Variants in VAPA observed in about 807,000 individuals in gnomAD.
VAPA encodes VAMP associated protein A.
VAPA carries 6 observed loss-of-function variants against 25.6 expected under a neutral mutation model. The observed-to-expected ratio is 0.23, with a 90% confidence interval of 0.13 to 0.46. The LOEUF is 0.46. VAPA is among the 20% of genes least tolerant of loss of function. VAPA has a pLI of 0.99. For synonymous variants in VAPA, 112 were observed against 106.2 expected, an observed-to-expected ratio of 1.05 and a Z score of -0.34; for missense variants, 244 against 302.1, an observed-to-expected ratio of 0.81 and a Z score of 1.43.
intron 4 of VAPA, among the ~76,000 whole-genome samples, chr18:9,940,657 G>T (rs1489960709): frequency 6.6e-6 from 1 of 152,182 alleles, no homozygotes; most frequent in East Asian, 1.9e-4. Context: ...ATCCTGAGAA[G>T]AATGGGCGGG....
At chr18:9,943,775 A>G (rs971240156) in intron 4 of VAPA, among the ~76,000 whole-genome samples, 1 of 149,504 alleles carries the variant, frequency 6.7e-6, no homozygotes, top group Non-Finnish European at 1.5e-5. Context: ...GACATTTTCT[A>G]AATTTCTTAA....
chr18:9,916,191 A>C (rs1199456061), intron 1 of VAPA, among the ~76,000 whole-genome samples: 1 of 152,230 alleles, frequency 6.6e-6, no homozygotes, highest in Non-Finnish European at 1.5e-5. Context: ...ATAGTGGAGA[A>C]GCAAGTTTAA....
At chr18:9,928,585 A>G (rs1567894152) in intron 1 of VAPA, among the ~76,000 whole-genome samples, 1 of 152,166 alleles carries the variant, frequency 6.6e-6, no homozygotes, top group Non-Finnish European at 1.5e-5. Context: ...TCTTAACTCT[A>G]ACTTCATAAC....
intron 1 of VAPA, among the ~76,000 whole-genome samples, chr18:9,918,688 A>G (rs1387255755): frequency 6.6e-6 from 1 of 151,992 alleles, no homozygotes; most frequent in Non-Finnish European, 1.5e-5. Flanking sequence ...TGTTCATTTC[A>G]TTGTTTTGAG....
Position 9,954,090 on chromosome 18 carries a change from A to G in VAPA, c.629A>G (p.Asp210Gly). ...AGGCTCAGAAAGGTAGCACATTCGG[A>G]TAAACCTGGATCAACCTCAACTGCA... is the stretch of plus-strand genomic sequence containing the variant. ...GLRLRKVAHS[D>G]KPGSTSTASF... Residue 210 changes from aspartate (D) to glycine (G), a missense_variant, in exon 6 of 6, where the codon GAT (aspartate) becomes GGT (glycine). By Grantham distance (94) the Asp-to-Gly change is moderately conservative (BLOSUM62 -1). Around this residue, in one of 2 missense-constraint regions of VAPA, gnomAD observed 145 missense variants for 140.6 expected, o/e 1.03. Transcript: ENST00000400000. The G allele has an allele frequency of 6.2e-7, 1 of 1,614,082 alleles. No individual in the cohort carries two copies. The highest frequency in any genetic ancestry group is 8.5e-7 in the Non-Finnish European group (1 of 1,179,996).
intron 1 of VAPA, among the ~76,000 whole-genome samples, chr18:9,927,996 T>C (rs2069216345): frequency 6.6e-6 from 1 of 152,122 alleles, no homozygotes; most frequent in Non-Finnish European, 1.5e-5. Context: ...ATGTAACGTA[T>C]GCAGTTTTCT....
At position 9,931,922 on chromosome 18, in the gene VAPA, C is replaced by T. The variant is rs985541536; in HGVS notation, c.192C>T (p.Asn64=). ...CTCGCCGGTACTGTGTGAGGCCCAA[C>T]AGTGGAATTATTGACCCAGGGTCAA... ...TAPRRYCVRP[N]SGIIDPGSTV... Residue 64 remains asparagine, a synonymous_variant, in exon 2 of 6, where the codon AAC becomes AAT. Coordinates refer to ENST00000400000, the MANE Select transcript of VAPA (RefSeq NM_194434.3). The T allele has an allele frequency of 6.2e-6, 10 of 1,610,292 alleles. No homozygotes were observed. The highest frequency in any genetic ancestry group is 2.2e-5 in the East Asian group (1 of 44,822).
In VAPA at chr18:9,959,743, AAAAAT is replaced by A. The variant is rs1253675214; in HGVS notation, c.*5533_*5537del. On this transcript the variant is annotated 3_prime_UTR_variant, in exon 6 of 6. Transcript: ENST00000400000. ...TTCCAAAAAAAAAAAAAAAAAAAAA[AAAAAT>A]GTGGAGGGTTGAAATGGTAAGGAAT... 6 of 150,502 alleles carry A rather than the reference AAAAAT, an allele frequency of 4.0e-5. No homozygotes were observed. Among genetic ancestry groups the A allele is most frequent in the African/African-American group, 7.3e-5 (3 of 41,152 alleles). 9.3% of individuals were successfully genotyped at this position (150,502 alleles called of 1,614,324 possible).
chr18:9,947,084 C>G (rs1187622597), intron 4 of VAPA, among the ~76,000 whole-genome samples: 1 of 152,202 alleles, frequency 6.6e-6, no homozygotes. Flanking sequence ...GACAGTAACA[C>G]TCATGGAGCT....
In VAPA at chr18:9,956,327, A is replaced by G. The variant is rs532836074; in HGVS notation, c.*2116A>G. 1.3e-5 allele frequency: 2 copies of G among 152,354 alleles called. No homozygotes were observed. Among genetic ancestry groups the G allele is most frequent in the African/African-American group, 4.8e-5 (2 of 41,586 alleles). 9.4% of individuals were successfully genotyped at this position (152,354 alleles called of 1,614,324 possible). On this transcript the variant is annotated 3_prime_UTR_variant, in exon 6 of 6. Coordinates refer to ENST00000400000, the MANE Select transcript of VAPA (RefSeq NM_194434.3). ...AAATAATGAACATAAAATGCTATTT[A>G]TAATAACAAGTATATGTGAAATTTC...
At chr18:9,949,724 T>C (rs1222079887) in intron 4 of VAPA, 1 of 152,306 alleles carries the variant, frequency 6.6e-6, no homozygotes, top group Non-Finnish European at 1.5e-5. Flanking sequence ...GAAGAATACA[T>C]AGGTGCTGTC....
In VAPA at chr18:9,914,057, T is replaced by G. The variant is rs2069086961; in HGVS notation, c.-200T>G. ...CGTGGCCGTGGCGGCTGGTGTGGGGTTGAGTCAGTTGTGGGACCCGGAGCT... is the reference window on the plus strand; with the variant it reads ...CGTGGCCGTGGCGGCTGGTGTGGGGGTGAGTCAGTTGTGGGACCCGGAGCT... On this transcript the variant is annotated 5_prime_UTR_variant, in exon 1 of 6. Transcript: ENST00000400000. 2.0e-6 allele frequency: 1 copy of G among 500,526 alleles called. No homozygotes were observed. The highest frequency in any genetic ancestry group is 3.5e-6 in the Non-Finnish European group (1 of 284,242). 31.0% of individuals were successfully genotyped at this position (500,526 alleles called of 1,614,324 possible). A position where few individuals can be genotyped will look rare whatever the true frequency, so the allele number is the denominator to read the frequency against.
intron 1 of VAPA, among the ~76,000 whole-genome samples, chr18:9,915,477 T>C (rs2069104761): frequency 6.6e-6 from 1 of 152,116 alleles, no homozygotes; most frequent in Admixed American, 6.5e-5. Context: ...ACTGAAAGAG[T>C]GTGAACATCT....
At chr18:9,943,841 C>CTTTTTTTTTTTTTTTTTTTT (rs71169911) in intron 4 of VAPA, among the ~76,000 whole-genome samples, 3 of 51,770 alleles carry the variant, frequency 5.8e-5, no homozygotes, top group Non-Finnish European at 1.1e-4. Flanking sequence ...ACATATTTCC[C>CTTTTTTTTTTTTTTTTTTTT]TTTTTTTTTT....
intron 2 of VAPA, among the ~76,000 whole-genome samples, chr18:9,935,290 G>C (rs574453715): frequency 6.6e-6 from 1 of 151,750 alleles, no homozygotes; most frequent in South Asian, 2.1e-4. Context: ...ACAATATATG[G>C]GCTGGGTGCT....
chr18:9,939,135 T>C (rs916483558), intron 4 of VAPA, among the ~76,000 whole-genome samples: 1 of 152,116 alleles, frequency 6.6e-6, no homozygotes, highest in African/African-American at 2.4e-5. Flanking sequence ...TTCTGCAGTT[T>C]GTTTGAATTA....
At position 9,954,222 on chromosome 18, in the gene VAPA, G is replaced by A. The variant is rs771464051; in HGVS notation, c.*11G>A. 8 of 1,581,836 alleles carry A rather than the reference G, an allele frequency of 5.1e-6. No individual in the cohort carries two copies. The South Asian group carries it at 8.2e-5, about 16-fold the overall frequency. On this transcript the variant is annotated 3_prime_UTR_variant, in exon 6 of 6. Coordinates refer to ENST00000400000, the MANE Select transcript of VAPA (RefSeq NM_194434.3). ...AAATTCATCTTGTAGAGTGAAGCATGCAGAGTGCTGTTTCTTTTTTTTTTT... is the reference window on the plus strand; with the variant it reads ...AAATTCATCTTGTAGAGTGAAGCATACAGAGTGCTGTTTCTTTTTTTTTTT...
rs1269527389 is a variant in VAPA, at chr18:9,954,361, T to TA, written c.*151dup. On this transcript the variant is annotated 3_prime_UTR_variant, in exon 6 of 6. Transcript: ENST00000400000. ...ATAGGCTTTGCCTTTAATGATCTCT[T>TA]ACGGTTAGAAAACACAATAAAAACA... is the stretch of plus-strand genomic sequence containing the variant. 6.0e-6 allele frequency: 4 copies of TA among 669,994 alleles called. No homozygotes were observed. Among genetic ancestry groups the TA allele is most frequent in the African/African-American group, 1.8e-5 (1 of 54,982 alleles). The allele number at this position is 669,994 out of a possible 1,614,324, so 41.5% of individuals were successfully genotyped here. A position where few individuals can be genotyped will look rare whatever the true frequency, so the allele number is the denominator to read the frequency against.
intron 2 of VAPA, 53 bp from the exon 3 acceptor site, chr18:9,936,057 T>C (rs2069306763): frequency 2.3e-6 from 3 of 1,296,820 alleles, no homozygotes; most frequent in Non-Finnish European, 3.2e-6. Flanking sequence ...TTTCAATGTA[T>C]GTCTTTCAGA....
Sources: gnomAD v4.1 joint callset for allele counts (sites outside exome capture counted in the v4.1 genomes callset) on GRCh38, gnomAD v4.1.1 for gene constraint, gnomAD v4.1.1 regional missense constraint, MANE v1.5 for transcripts, NCBI Gene and HGNC (gene_info 2026-07-23, HGNC 2026-07-21) for gene names.